The following TUSC3 variants were observed in gnomAD, a reference collection of about 807,000 sequenced individuals.
The protein encoded by TUSC3 is tumor suppressor candidate 3, also known as dolichyl-diphosphooligosaccharide--protein glycosyltransferase subunit TUSC3.
TUSC3 carries 45 observed loss-of-function variants against 44.8 expected under a neutral mutation model. The ratio of observed to expected loss-of-function variants is 1.00; its 90% CI spans 0.79 to 1.29. The LOEUF (loss-of-function observed/expected upper bound fraction) is 1.29. Ranked by LOEUF, TUSC3 falls within the 50% of genes most tolerant of loss-of-function variation. The pLI, the probability that TUSC3 is intolerant of heterozygous loss-of-function variation, is 0.00. For missense variants in TUSC3, 519 were observed against 437.9 expected, an observed-to-expected ratio of 1.19 and a Z score of -1.65; for synonymous variants, 212 against 152.9, an observed-to-expected ratio of 1.39 and a Z score of -2.85.
intron 7 of TUSC3, among the ~76,000 whole-genome samples, chr8:15,741,325 T>G (rs1811187456): frequency 6.6e-6 from 1 of 152,212 alleles, no homozygotes; most frequent in South Asian, 2.1e-4. Context: ...AGGAAGCTGC[T>G]TATTAGATGA....
intron 6 of TUSC3, among the ~76,000 whole-genome samples, chr8:15,707,587 A>G (rs1250426895): frequency 1.3e-5 from 2 of 152,008 alleles, no homozygotes; most frequent in Admixed American, 6.6e-5. Context: ...CTTGGTAACA[A>G]TCAAATATAA....
intron 6 of TUSC3, among the ~76,000 whole-genome samples, chr8:15,684,652 C>T (rs1302401035): frequency 6.6e-6 from 1 of 152,136 alleles, no homozygotes; most frequent in East Asian, 1.9e-4. Context: ...GCTCTGATGT[C>T]AGCACATGAG....
chr8:15,483,879 G>A (rs188532184), intron 2 of TUSC3, among the ~76,000 whole-genome samples: 297 of 146,176 alleles, frequency 2.0e-3, no homozygotes, highest in African/African-American at 7.2e-3. Context: ...GGGTGGTCTC[G>A]ATCTCCTGAC....
chr8:15,523,923 G>A (rs1274576769), intron 2 of TUSC3, among the ~76,000 whole-genome samples: 2 of 151,182 alleles, frequency 1.3e-5, no homozygotes, highest in South Asian at 2.1e-4. Flanking sequence ...GGGGGTGGTG[G>A]CGCGCACCTG....
At chr8:15,744,171 A>G (rs1029230644) in intron 8 of TUSC3, among the ~76,000 whole-genome samples, 19 of 151,802 alleles carry the variant, frequency 1.3e-4, no homozygotes, top group African/African-American at 4.4e-4. Flanking sequence ...AAGATTTACA[A>G]CTCCCTCAAG....
intron 3 of TUSC3, among the ~76,000 whole-genome samples, chr8:15,659,214 A>G (rs1163515328): frequency 6.6e-6 from 1 of 152,152 alleles, no homozygotes; most frequent in East Asian, 1.9e-4. Flanking sequence ...TACCCTAATT[A>G]TAGAATTCAA....
intron 1 of TUSC3, among the ~76,000 whole-genome samples, chr8:15,420,402 G>T (rs1235288637): frequency 6.6e-6 from 1 of 151,984 alleles, no homozygotes; most frequent in African/African-American, 2.4e-5. Context: ...GGAGGCTGAG[G>T]CAGGAAAATC....
chr8:15,528,146 C>T (rs983761309), intron 2 of TUSC3, among the ~76,000 whole-genome samples: 2 of 151,858 alleles, frequency 1.3e-5, no homozygotes, highest in African/African-American at 4.8e-5. Flanking sequence ...TTCAATTAAG[C>T]ACAATTTTGG....
the TUSC3 span, among the ~76,000 whole-genome samples, chr8:15,785,409 A>C: frequency 6.6e-6 from 1 of 151,500 alleles, no homozygotes; most frequent in South Asian, 2.1e-4. Flanking sequence ...TATAAGCATT[A>C]TCATATTAAA....
At chr8:15,828,467 T>C in the TUSC3 span, among the ~76,000 whole-genome samples, 1 of 152,194 alleles carries the variant, frequency 6.6e-6, no homozygotes, top group Non-Finnish European at 1.5e-5. Flanking sequence ...TTTTTTATTT[T>C]CTACAAGCCA....
intron 6 of TUSC3, among the ~76,000 whole-genome samples, chr8:15,693,430 G>A (rs1423139924): frequency 7.7e-6 from 1 of 129,548 alleles, no homozygotes; most frequent in Non-Finnish European, 1.7e-5. Flanking sequence ...TAAAACTCTT[G>A]GTTGGAAGTT....
At chr8:15,846,297 T>C in the TUSC3 span, among the ~76,000 whole-genome samples, 18 of 152,310 alleles carry the variant, frequency 1.2e-4, no homozygotes, top group African/African-American at 4.1e-4. Context: ...CCTCAGTTTT[T>C]CAAAAGGCTG....
intron 1 of TUSC3, among the ~76,000 whole-genome samples, chr8:15,417,532 C>T (rs999175348): frequency 6.6e-6 from 1 of 152,130 alleles, no homozygotes; most frequent in Non-Finnish European, 1.5e-5. Flanking sequence ...AGATGTCCAG[C>T]TAAGAGGTCA....
chr8:15,490,404 C>G (rs1585063827), intron 2 of TUSC3, among the ~76,000 whole-genome samples: 1 of 152,158 alleles, frequency 6.6e-6, no homozygotes. Context: ...ACTTTCTCCT[C>G]TCCTGTTTCC....
intron 2 of TUSC3, among the ~76,000 whole-genome samples, chr8:15,643,283 C>T (rs943973301): frequency 6.6e-6 from 1 of 152,158 alleles, no homozygotes; most frequent in Non-Finnish European, 1.5e-5. Context: ...TTATTAGCAG[C>T]ATGAGAATGG....
At chr8:15,622,906 A>T (rs1254184202) in intron 1 of TUSC3, among the ~76,000 whole-genome samples, 174 bp from the exon 2 acceptor site, 1 of 152,122 alleles carries the variant, frequency 6.6e-6, no homozygotes, top group Non-Finnish European at 1.5e-5. Flanking sequence ...ACCCAACATT[A>T]TAAAAATATA....
At chr8:15,809,062 T>G in the TUSC3 span, among the ~76,000 whole-genome samples, 1 of 152,130 alleles carries the variant, frequency 6.6e-6, no homozygotes, top group Admixed American at 6.6e-5. Context: ...GCACGTTTAT[T>G]CAGAAAGCCA....
intron 1 of TUSC3, among the ~76,000 whole-genome samples, chr8:15,568,987 T>A (rs1470747746): frequency 1.3e-5 from 2 of 152,150 alleles, no homozygotes; most frequent in Non-Finnish European, 2.9e-5. Context: ...CTATTTTGTT[T>A]AGTAAATATT....
the TUSC3 span, among the ~76,000 whole-genome samples, chr8:15,796,493 A>G: frequency 6.6e-6 from 1 of 152,192 alleles, no homozygotes; most frequent in African/African-American, 2.4e-5. Context: ...AATGGCCTTG[A>G]GCTGTGCCCA....
Sources: allele counts gnomAD v4.1 joint callset (sites outside exome capture counted in the v4.1 genomes callset), GRCh38; gene constraint gnomAD v4.1.1; transcripts MANE v1.5; gene names NCBI Gene and HGNC (gene_info 2026-07-23, HGNC 2026-07-21).